The following GON4L variants were observed in gnomAD, a reference collection of about 807,000 sequenced individuals.
GON4L encodes gon-4 like, also known as GON-4-like protein.
GON4L carries 87 observed loss-of-function variants against 211.8 expected under a neutral mutation model. That is an observed-to-expected ratio of 0.41 (90% CI 0.35 to 0.49). The LOEUF (loss-of-function observed/expected upper bound fraction) is 0.49. Among genes scored for constraint, GON4L ranks in the 20% least tolerant of loss-of-function variants. The probability of loss-of-function intolerance (pLI) is 0.15; values close to 1 mark genes in which losing one functional copy is unlikely to be tolerated. For missense variants in GON4L, 2,155 were observed against 2,659.5 expected (o/e 0.81, Z 4.17); for synonymous variants, 875 against 962.6 (o/e 0.91, Z 1.68).
At chr1:155,767,028 G>A (rs748210588) in intron 20 of GON4L, 1 of 552,546 alleles carries the variant, frequency 1.8e-6, no homozygotes, top group Non-Finnish European at 3.2e-6. Context: ...GACAGAGCAA[G>A]ACTCTGTCTC....
chr1:155,768,960 T>C (rs940605584), intron 19 of GON4L, among the ~76,000 whole-genome samples: 4 of 152,156 alleles, frequency 2.6e-5, no homozygotes, highest in Admixed American at 1.3e-4. Context: ...TGCACATCTT[T>C]GTACTTTTTG....
chr1:155,789,013 C>A (rs1267582276), intron 12 of GON4L, among the ~76,000 whole-genome samples: 1 of 151,512 alleles, frequency 6.6e-6, no homozygotes, highest in African/African-American at 2.4e-5. Flanking sequence ...TGGCGTGAAC[C>A]TGGTAGGCGG....
chr1:155,849,904 C>G (rs1037915898), intron 2 of GON4L, among the ~76,000 whole-genome samples: 7 of 148,952 alleles, frequency 4.7e-5, no homozygotes, highest in Admixed American at 1.4e-4. Context: ...TAAACTATCT[C>G]AAAGGAAATG....
chr1:155,766,484 G>A lies in GON4L; in HGVS notation c.2989C>T (p.Arg997Cys), dbSNP rs767449359. The A allele has an allele frequency of 6.2e-6, 10 of 1,614,090 alleles. No individual in the cohort carries two copies. The highest frequency in any genetic ancestry group is 6.8e-6 in the Non-Finnish European group (8 of 1,180,010). Residue 997 changes from arginine (R) to cysteine (C), a missense_variant, in exon 21 of 32, where the codon CGT (arginine) becomes TGT (cysteine). Arg to Cys is a radical substitution (Grantham distance 180, BLOSUM62 -3). Around this residue, in one of 6 missense-constraint regions of GON4L, gnomAD observed 615 missense variants for 625.7 expected, o/e 0.98. Coordinates refer to ENST00000368331, the MANE Select transcript of GON4L (RefSeq NM_001282860.2). Reference sequence around the variant, plus strand: ...AGGAGGGGCTTCAGGACTGATGAACGCTTCTGTCTCCAAGCCTTCCTGGGG... The same window carrying A: ...AGGAGGGGCTTCAGGACTGATGAACACTTCTGTCTCCAAGCCTTCCTGGGG... The part of the protein sequence containing the change: ...RFPRKAWRQK[R>C]SSVLKPLLIQ...
intron 10 of GON4L, among the ~76,000 whole-genome samples, chr1:155,812,170 C>A (rs1195945608): frequency 1.3e-5 from 2 of 152,100 alleles, no homozygotes; most frequent in Admixed American, 6.6e-5. Flanking sequence ...ACCACCTTAA[C>A]CAAGTGATGA....
chr1:155,816,773 T>TTTTAA (rs377228820), intron 6 of GON4L, among the ~76,000 whole-genome samples: 2 of 78,084 alleles, frequency 2.6e-5, no homozygotes, highest in African/African-American at 4.8e-5. Flanking sequence ...TTTTTTTTCT[T>TTTTAA]AAAAAAAAAA....
At chr1:155,789,792 A>G (rs1665338417) in intron 12 of GON4L, among the ~76,000 whole-genome samples, 1 of 151,992 alleles carries the variant, frequency 6.6e-6, no homozygotes, top group Admixed American at 6.6e-5. Flanking sequence ...GTATCCATGG[A>G]TACCAAAATC....
At chr1:155,751,393 T>C (rs1403919074) in intron 31 of GON4L, among the ~76,000 whole-genome samples, 1 of 151,752 alleles carries the variant, frequency 6.6e-6, no homozygotes, top group African/African-American at 2.4e-5. Context: ...TAAAAATAAA[T>C]AAATTAGCCT....
chr1:155,748,022 C>T, downstream of GON4L: 2 of 1,607,566 alleles, frequency 1.2e-6, no homozygotes, highest in Non-Finnish European at 1.7e-6. Flanking sequence ...AGCTTTTGGT[C>T]TCGTGCACCT....
chr1:155,859,393 C>T (rs1348737194), upstream of GON4L: 4 of 188,864 alleles, frequency 2.1e-5, no homozygotes, highest in Non-Finnish European at 3.4e-5. Flanking sequence ...GAGTCCCCTC[C>T]GGGAGAGCTT....
At chr1:155,835,566 A>ACCC (rs375986766) in intron 2 of GON4L, among the ~76,000 whole-genome samples, 20 of 151,404 alleles carry the variant, frequency 1.3e-4, no homozygotes, top group Middle Eastern at 7.0e-3. Flanking sequence ...ACTGTTGGCC[A>ACCC]CCCCCTAGGT....
At chr1:155,787,139 T>G (rs1665029722) in intron 12 of GON4L, among the ~76,000 whole-genome samples, 1 of 151,650 alleles carries the variant, frequency 6.6e-6, no homozygotes, top group Admixed American at 6.6e-5. Flanking sequence ...CTCGATCTCC[T>G]GACCTCGTGA....
chr1:155,765,670 C>T lies in GON4L; in HGVS notation c.3803G>A (p.Ser1268Asn), dbSNP rs2101738357. ...TGCATCTGCTAGTGGAGGCCCTGGG[C>T]TATGTTCCACTTTCGGGAAAACAGT... ...SATVFPKVEH[S>N]PGPPLADAEC... Residue 1268 changes from serine (S) to asparagine (N), a missense_variant, in exon 21 of 32, where the codon AGC (serine) becomes AAC (asparagine). This residue lies in a region of GON4L where 615 missense variants were observed against 625.7 expected (regional missense o/e 0.98). Transcript: ENST00000368331. The T allele has an allele frequency of 6.2e-7, 1 of 1,614,182 alleles. No individual in the cohort carries two copies.
intron 2 of GON4L, among the ~76,000 whole-genome samples, chr1:155,846,941 G>C (rs564357293): frequency 1.3e-5 from 2 of 152,094 alleles, no homozygotes; most frequent in Non-Finnish European, 2.9e-5. Context: ...AACCGAGCAG[G>C]GGCCATTGAG....
At chr1:155,752,663 G>A (rs1346501054) in intron 29 of GON4L, 73 bp from the exon 30 acceptor site, 1 of 1,542,906 alleles carries the variant, frequency 6.5e-7, no homozygotes. Flanking sequence ...ATTACCTGTG[G>A]CCAGGTACTG....
intron 12 of GON4L, 146 bp from the exon 13 acceptor site, chr1:155,785,520 T>C (rs771293671): frequency 7.5e-5 from 53 of 707,428 alleles, no homozygotes; most frequent in Middle Eastern, 3.8e-4. Context: ...GGTCTCACTA[T>C]GTCACTCAGG....
chr1:155,764,059 A>G (rs1347774178), intron 21 of GON4L, among the ~76,000 whole-genome samples: 1 of 151,996 alleles, frequency 6.6e-6, no homozygotes, highest in Non-Finnish European at 1.5e-5. Context: ...ACACAAAACA[A>G]GACAAAAAAA....
At position 155,790,749 on chromosome 1, in the gene GON4L, T is replaced by G. The variant is rs186085339; in HGVS notation, c.1747+4301A>C. The stretch of plus-strand genomic sequence containing the variant: ...TCACAAGGTCAGGAGATCGAGACCA[T>G]CCTGGCCAACATGGTGAAACCCTGT... On this transcript the variant is annotated intron_variant, in intron 12 of 31. Transcript: ENST00000368331. Among the ~76,000 whole-genome samples, 1,021 of 148,072 alleles carry G rather than the reference T, an allele frequency of 6.9e-3. 9 individuals carry two copies. Among genetic ancestry groups the G allele is most frequent in the African/African-American group, 0.024 (949 of 40,064 alleles).
At chr1:155,748,240 T>C, downstream of GON4L, 1 of 1,276,384 alleles carries the variant, frequency 7.8e-7, no homozygotes. Flanking sequence ...TGAACTCAGC[T>C]GTGATGTGGC....
Sources: gnomAD v4.1 joint callset for allele counts (sites outside exome capture counted in the v4.1 genomes callset) on GRCh38, gnomAD v4.1.1 for gene constraint, gnomAD v4.1.1 regional missense constraint, MANE v1.5 for transcripts, NCBI Gene and HGNC (gene_info 2026-07-23, HGNC 2026-07-21) for gene names.